Variants in LMLN observed in about 807,000 individuals in gnomAD.
The protein encoded by LMLN is leishmanolysin-like peptidase.
A neutral mutation model predicts 92.3 loss-of-function variants in LMLN; 70 were observed. The observed-to-expected ratio is 0.76, with a 90% CI of 0.63 to 0.92. The LOEUF (loss-of-function observed/expected upper bound fraction) is 0.92. LMLN is among the 40% of genes least tolerant of loss of function. The probability of loss-of-function intolerance (pLI) is 0.00; values close to 1 mark genes in which losing one functional copy is unlikely to be tolerated. For missense variants in LMLN, 691 were observed against 814.6 expected (o/e 0.85, Z 1.85); for synonymous variants, 308 against 296.2 (o/e 1.04, Z -0.41).
intron 6 of LMLN, among the ~76,000 whole-genome samples, chr3:197,981,317 A>AG (rs1344071805): frequency 7.9e-5 from 12 of 152,070 alleles, no homozygotes; most frequent in African/African-American, 2.9e-4. Flanking sequence ...GCTTGCAGAG[A>AG]GCTGTGATTA....
In LMLN at chr3:198,025,947, C is replaced by T. The variant is rs573219137; in HGVS notation, c.1656+1159C>T. Among the ~76,000 whole-genome samples the T allele has an allele frequency of 2.5e-4, 38 of 152,076 alleles. No homozygotes were observed. The highest frequency in any genetic ancestry group is 8.9e-4 in the African/African-American group (37 of 41,494). On this transcript the variant is annotated intron_variant, in intron 14 of 15. Transcript: ENST00000330198. The surrounding 1 kb of genome is among the most constrained non-coding windows in gnomAD (Gnocchi z 4.3). ...ATCAAATTAACGTTTTTTTTGGTAA[C>T]TGCTTTTCTTCTTTTCTGTTTTTTT...
intron 11 of LMLN, among the ~76,000 whole-genome samples, chr3:198,001,959 C>G (rs1350371205): frequency 6.6e-6 from 1 of 151,442 alleles, no homozygotes; most frequent in Non-Finnish European, 1.5e-5. Flanking sequence ...AGCCCTGAGC[C>G]TATGTTTTTA....
At chr3:198,032,646 A>G (rs1179455726) in intron 14 of LMLN, among the ~76,000 whole-genome samples, 1 of 152,124 alleles carries the variant, frequency 6.6e-6, no homozygotes, top group Non-Finnish European at 1.5e-5. Context: ...TAGAGCGGGA[A>G]CGAGAGAGGA....
chr3:198,021,305 T>A (rs1165121201), intron 12 of LMLN, 141 bp from the exon 14 acceptor site: 2 of 686,130 alleles, frequency 2.9e-6, no homozygotes, highest in East Asian at 5.1e-5. Flanking sequence ...GTGTTCTTTA[T>A]TTGGTGCCAT....
intron 11 of LMLN, among the ~76,000 whole-genome samples, chr3:198,007,201 A>G (rs1441603635): frequency 2.6e-5 from 4 of 152,198 alleles, no homozygotes; most frequent in African/African-American, 9.7e-5. Flanking sequence ...CGGAGTCCAG[A>G]ATATCAGTTT....
At chr3:198,006,717 C>CT (rs1299894431) in intron 11 of LMLN, among the ~76,000 whole-genome samples, 73 of 147,028 alleles carry the variant, frequency 5.0e-4, no homozygotes, top group Middle Eastern at 3.5e-3. Flanking sequence ...GTCTCTTTGT[C>CT]TTTTTTTTTT....
At chr3:198,035,649 C>T (rs567098599) in intron 14 of LMLN, among the ~76,000 whole-genome samples, 184 bp from the exon 16 acceptor site, 27 of 152,118 alleles carry the variant, frequency 1.8e-4, no homozygotes, top group Middle Eastern at 3.4e-3. Context: ...TGTGAGCCAC[C>T]GCGCCCGGCC....
chr3:198,024,710 A>G (rs766320581), exon 14 of LMLN: 4 of 1,612,208 alleles, frequency 2.5e-6, no homozygotes, highest in Non-Finnish European at 3.4e-6. Flanking sequence ...CCGTTTGTCT[A>G]ATTCAGAAAT....
exon 16 of LMLN, chr3:198,041,376 C>T (rs1056228123): frequency 6.6e-6 from 1 of 152,152 alleles, no homozygotes; most frequent in Non-Finnish European, 1.5e-5. Flanking sequence ...GTAGAAAATT[C>T]CACATACAAG....
At chr3:197,985,713 G>A (rs1721687697) in intron 7 of LMLN, 83 bp from the exon 8 acceptor site, 1 of 854,094 alleles carries the variant, frequency 1.2e-6, no homozygotes, top group Non-Finnish European at 1.9e-6. Context: ...GTTCCCGTTA[G>A]TATCAGTGCT....
At chr3:197,996,271 A>C in exon 10 of LMLN, 1 of 1,555,004 alleles carries the variant, frequency 6.4e-7, no homozygotes, top group Non-Finnish European at 8.7e-7. Context: ...TTGGGAAAAA[A>C]GGTTATTAGA....
At chr3:197,960,313 G>C (rs1245208416) in exon 1 of LMLN, 1 of 1,613,786 alleles carries the variant, frequency 6.2e-7, no homozygotes, top group Non-Finnish European at 8.5e-7. Context: ...CGGTGGCGCT[G>C]GAGCGGGTCT....
intron 1 of LMLN, among the ~76,000 whole-genome samples, chr3:197,961,727 T>G (rs1720899183): frequency 2.6e-5 from 4 of 152,196 alleles, no homozygotes; most frequent in Non-Finnish European, 5.9e-5. Flanking sequence ...CTAATGACTA[T>G]ACCTCTGTTC....
intron 10 of LMLN, among the ~76,000 whole-genome samples, chr3:197,997,421 C>T (rs978868737): frequency 5.3e-5 from 8 of 152,172 alleles, no homozygotes; most frequent in African/African-American, 9.7e-5. Context: ...GCATGCATTC[C>T]GCACCTGGCT....
rs1560145107 is a variant in LMLN, at chr3:197,999,358, CAA to C, written c.1232+17_1232+18del. 3 of 1,542,564 alleles carry C rather than the reference CAA, an allele frequency of 1.9e-6. No individual in the cohort carries two copies. The highest frequency in any genetic ancestry group is 2.2e-5 in the South Asian group (2 of 89,450). ...AGGACACTGGGTAAGACAGCTGTGACAAGAGGATATGAATTGCTTATGAAAAT... is the reference window on the plus strand; with the variant it reads ...AGGACACTGGGTAAGACAGCTGTGACGAGGATATGAATTGCTTATGAAAAT... On this transcript the variant is annotated intron_variant, in intron 11 of 15. Transcript: ENST00000330198.
chr3:197,960,346 T>C (rs1437006421), exon 1 of LMLN: 1 of 1,613,822 alleles, frequency 6.2e-7, no homozygotes, highest in African/African-American at 1.3e-5. Context: ...AGCGTTTTAC[T>C]CCTGTTGGGC....
At chr3:197,986,133 A>G (rs1721699921) in intron 8 of LMLN, among the ~76,000 whole-genome samples, 1 of 152,218 alleles carries the variant, frequency 6.6e-6, no homozygotes, top group African/African-American at 2.4e-5. Flanking sequence ...GATAATTTGC[A>G]GTGCTTCCTT....
chr3:197,971,944 C>CTTTTTTTTT (rs756710031), intron 1 of LMLN, among the ~76,000 whole-genome samples: 48 of 81,208 alleles, frequency 5.9e-4, no homozygotes, highest in Non-Finnish European at 7.2e-4. Flanking sequence ...AGTCTCTGTT[C>CTTTTTTTTT]TTTTTTTTTT....
At chr3:197,995,898 A>G (rs571055359) in intron 9 of LMLN, among the ~76,000 whole-genome samples, 9 of 152,324 alleles carry the variant, frequency 5.9e-5, no homozygotes, top group African/African-American at 1.7e-4. Context: ...ACAACTGTCA[A>G]TCATCCTAGT....
Sources: allele counts gnomAD v4.1 joint callset (sites outside exome capture counted in the v4.1 genomes callset), GRCh38; gene constraint gnomAD v4.1.1; non-coding constraint Gnocchi (gnomAD v3.1); transcripts MANE v1.5; gene names NCBI Gene and HGNC (gene_info 2026-07-23, HGNC 2026-07-21).